FIG4: variants seen among roughly 807,000 people sequenced by gnomAD.
FIG4 encodes the protein polyphosphoinositide phosphatase.
In FIG4, 112 loss-of-function variants were observed where a neutral mutation model predicts 118.6. The observed-to-expected ratio is 0.94, with a 90% CI of 0.81 to 1.11. The LOEUF (loss-of-function observed/expected upper bound fraction) is 1.11, where lower values mean the gene tolerates loss of function less well. Ranked by LOEUF, FIG4 falls within the 50% of genes least tolerant of loss-of-function variation. The pLI is 0.00. For synonymous variants in FIG4, 369 were observed against 381.2 expected (o/e 0.97, Z 0.37); for missense variants, 969 against 1,111.7 (o/e 0.87, Z 1.83).
Position 109,762,079 on chromosome 6 carries a change from T to A in FIG4, c.1272-12T>A, listed in dbSNP as rs569783523. On this transcript the variant is annotated splice_polypyrimidine_tract_variant and intron_variant, in intron 11 of 22. Transcript: ENST00000230124. ...GGCTTCTCACTTTTCTCATTCTTCC[T>A]TCTCTCCTCAGCAAGCTGTGTAATG... The A allele has an allele frequency of 1.3e-6, 2 of 1,532,772 alleles. No individual in the cohort carries two copies. The highest frequency in any genetic ancestry group is 2.7e-5 in the African/African-American group (2 of 73,412). The allele number at this position is 1,532,772 out of a possible 1,614,324, so 94.9% of individuals were successfully genotyped here. A position where few individuals can be genotyped will look rare whatever the true frequency, so the allele number is the denominator to read the frequency against.
At chr6:109,731,025 G>GA (rs1242944446) in intron 4 of FIG4, among the ~76,000 whole-genome samples, 1 of 151,998 alleles carries the variant, frequency 6.6e-6, no homozygotes, top group African/African-American at 2.4e-5. Flanking sequence ...AAATCAGTGA[G>GA]AAAAAAATAC....
chr6:109,709,461 A>G (rs1192811286), intron 1 of FIG4, among the ~76,000 whole-genome samples: 1 of 152,172 alleles, frequency 6.6e-6, no homozygotes, highest in Admixed American at 6.5e-5. Flanking sequence ...TTTTGGTTCC[A>G]TATGAATTTT....
chr6:109,730,711 C>T (rs994669281), intron 4 of FIG4, among the ~76,000 whole-genome samples: 11 of 151,992 alleles, frequency 7.2e-5, no homozygotes, highest in African/African-American at 2.7e-4. Flanking sequence ...GTTGGTTTTC[C>T]AGTTGGACAA....
intron 22 of FIG4, among the ~76,000 whole-genome samples, chr6:109,806,729 C>T (rs567093577): frequency 6.6e-6 from 1 of 152,100 alleles, no homozygotes; most frequent in South Asian, 2.1e-4. Flanking sequence ...CACCCATCAA[C>T]CCATCATCTA....
chr6:109,767,628 T>C (rs1325916010), intron 15 of FIG4, among the ~76,000 whole-genome samples: 1 of 152,176 alleles, frequency 6.6e-6, no homozygotes. Context: ...CCCAGCACTT[T>C]GGGAGGCCGA....
intron 16 of FIG4, among the ~76,000 whole-genome samples, chr6:109,778,281 T>C (rs1305304333): frequency 1.4e-5 from 2 of 147,952 alleles, no homozygotes; most frequent in Non-Finnish European, 3.0e-5. Context: ...GTCAACATGG[T>C]GAAACCCCAT....
In FIG4 at chr6:109,766,755, A is replaced by G; in HGVS notation, c.1610A>G (p.His537Arg). 1.2e-6 allele frequency: 2 copies of G among 1,614,002 alleles called. No individual in the cohort carries two copies. The highest frequency in any genetic ancestry group is 2.2e-5 in the South Asian group (2 of 91,086). ...VRLFEELYED[H>R]GDTLSLQYGG... ...TTATTTGAGGAACTCTATGAAGATCATGGTGATACCCTATCCCTTCAGTAT... is the reference window on the plus strand; with the variant it reads ...TTATTTGAGGAACTCTATGAAGATCGTGGTGATACCCTATCCCTTCAGTAT... Residue 537 changes from histidine (H) to arginine (R), a missense_variant, in exon 15 of 23, where the codon CAT (histidine) becomes CGT (arginine). This residue lies in a region of FIG4 where 246 missense variants were observed against 354.3 expected (regional missense o/e 0.69). Coordinates refer to ENST00000230124, the MANE Select transcript of FIG4 (RefSeq NM_014845.6).
intron 21 of FIG4, 131 bp from the exon 22 acceptor site, chr6:109,796,634 A>G: frequency 1.3e-6 from 1 of 744,796 alleles, no homozygotes; most frequent in East Asian, 2.5e-5. Flanking sequence ...TGTTACATAC[A>G]GTACTCTTAG....
At chr6:109,742,018 C>G (rs1221625320) in intron 8 of FIG4, among the ~76,000 whole-genome samples, 2 of 151,942 alleles carry the variant, frequency 1.3e-5, no homozygotes, top group Non-Finnish European at 2.9e-5. Flanking sequence ...AATTAATACT[C>G]CAGTGCATCT....
At chr6:109,792,936 C>G (rs745539646) in intron 21 of FIG4, among the ~76,000 whole-genome samples, 1 of 151,928 alleles carries the variant, frequency 6.6e-6, no homozygotes, top group African/African-American at 2.4e-5. Context: ...GGCAATCCGC[C>G]CACCTCAGCC....
chr6:109,704,307 T>G (rs1249855116), intron 1 of FIG4, among the ~76,000 whole-genome samples: 1 of 152,160 alleles, frequency 6.6e-6, no homozygotes, highest in Non-Finnish European at 1.5e-5. Flanking sequence ...CATTTACTAG[T>G]CAGTGGTCCA....
chr6:109,718,024 G>T (rs1424648358), intron 3 of FIG4, among the ~76,000 whole-genome samples: 1 of 152,186 alleles, frequency 6.6e-6, no homozygotes, highest in Non-Finnish European at 1.5e-5. Flanking sequence ...TTGGCTCATG[G>T]TTCTGCAGGC....
intron 22 of FIG4, among the ~76,000 whole-genome samples, chr6:109,804,150 G>C (rs887121163): frequency 7.9e-5 from 12 of 152,108 alleles, no homozygotes; most frequent in Non-Finnish European, 1.6e-4. Context: ...TAATCTGGGG[G>C]AGCAGATTTG....
At chr6:109,738,602 C>G in intron 7 of FIG4, 149 bp downstream of exon 7, 1 of 733,560 alleles carries the variant, frequency 1.4e-6, no homozygotes. Context: ...AGCAGAAATA[C>G]AAAGAAGAAT....
intron 22 of FIG4, among the ~76,000 whole-genome samples, chr6:109,818,525 T>C (rs1778922815): frequency 6.6e-6 from 1 of 152,198 alleles, no homozygotes; most frequent in African/African-American, 2.4e-5. Context: ...TACAGAATAT[T>C]GTCATACATG....
intron 21 of FIG4, among the ~76,000 whole-genome samples, chr6:109,795,165 G>A (rs921991234): frequency 8.0e-5 from 10 of 125,290 alleles, no homozygotes; most frequent in African/African-American, 2.2e-4. Flanking sequence ...TCGCCCAGGC[G>A]GGACTGTGGA....
intron 22 of FIG4, among the ~76,000 whole-genome samples, chr6:109,797,985 A>G (rs1412894679): frequency 1.3e-5 from 2 of 151,532 alleles, no homozygotes; most frequent in African/African-American, 4.9e-5. Context: ...CATACACTTG[A>G]CATTTAGTAA....
At chr6:109,707,365 G>GTA (rs3060839) in intron 1 of FIG4, among the ~76,000 whole-genome samples, 41 of 11,380 alleles carry the variant, frequency 3.6e-3, no homozygotes, top group Admixed American at 0.01. Flanking sequence ...ATATATACGT[G>GTA]TATATATATA....
At chr6:109,721,958 T>C (rs540488962) in intron 3 of FIG4, among the ~76,000 whole-genome samples, 21 of 152,276 alleles carry the variant, frequency 1.4e-4, no homozygotes, top group Admixed American at 7.8e-4. Context: ...AAATTATTAC[T>C]AAGAATTTTT....
Sources: allele counts gnomAD v4.1 joint callset (sites outside exome capture counted in the v4.1 genomes callset), GRCh38; gene constraint gnomAD v4.1.1; regional missense constraint gnomAD v4.1.1; transcripts MANE v1.5; gene names NCBI Gene and HGNC (gene_info 2026-07-23, HGNC 2026-07-21).